SLX9: variants seen among roughly 807,000 people sequenced by gnomAD.
The protein encoded by SLX9 is ribosome biogenesis protein SLX9 homolog.
SLX9 carries 19 observed loss-of-function variants against 20.8 expected under a neutral mutation model. That is an observed-to-expected ratio of 0.91 (90% CI 0.64 to 1.34). The LOEUF (loss-of-function observed/expected upper bound fraction) is 1.34, where lower values mean the gene tolerates loss of function less well. Among genes scored for constraint, SLX9 ranks in the 40% most tolerant of loss-of-function variants. The pLI is 0.00. For synonymous variants in SLX9, 113 were observed against 137.1 expected (o/e 0.82, Z 1.23); for missense variants, 299 against 322.2 (o/e 0.93, Z 0.55).
At chr21:44,962,865 G>A (rs2084968869) in intron 3 of SLX9, among the ~76,000 whole-genome samples, 1 of 152,114 alleles carries the variant, frequency 6.6e-6, no homozygotes, top group Non-Finnish European at 1.5e-5. Context: ...TGGTAATCAT[G>A]AAATGGTATC....
At chr21:44,962,402 A>G (rs763102157) in intron 3 of SLX9, among the ~76,000 whole-genome samples, 18 of 151,686 alleles carry the variant, frequency 1.2e-4, no homozygotes, top group Non-Finnish European at 2.4e-4. Flanking sequence ...CTTGCCTTAG[A>G]CTCTGTATAA....
At position 44,955,950 on chromosome 21, in the gene SLX9, C is replaced by T. The variant is rs779475155; in HGVS notation, c.284-4150C>T. Among the ~76,000 whole-genome samples the T allele has an allele frequency of 1.1e-4, 16 of 152,174 alleles. 1 individual carries two copies. In the South Asian group the frequency reaches 2.9e-3, roughly 28 times the overall value. On this transcript the variant is annotated intron_variant, in intron 2 of 5. Coordinates refer to ENST00000291634, the MANE Select transcript of SLX9 (RefSeq NM_058190.4). Reference sequence around the variant, plus strand: ...ACACCGCCGGGAGCAGCACCCAAGTCGGCCTCCGCCTGCGGCCTGTACCTT... The same window carrying T: ...ACACCGCCGGGAGCAGCACCCAAGTTGGCCTCCGCCTGCGGCCTGTACCTT...
In SLX9 at chr21:44,975,060, G is replaced by T. The variant is rs564636763; in HGVS notation, c.570-1620G>T. Reference sequence around the variant, plus strand: ...TCTCGCTGCTTCTGAGAGGAGAGCAGGAGGCCCCTTCCTTGTTCACTCCGT... The same window carrying T: ...TCTCGCTGCTTCTGAGAGGAGAGCATGAGGCCCCTTCCTTGTTCACTCCGT... On this transcript the variant is annotated intron_variant, in intron 5 of 5. Coordinates refer to ENST00000291634, the MANE Select transcript of SLX9 (RefSeq NM_058190.4). Among the ~76,000 whole-genome samples, 5 of 152,358 alleles carry T rather than the reference G, an allele frequency of 3.3e-5. No homozygotes were observed. In the East Asian group the frequency reaches 9.6e-4, roughly 29 times the overall value.
At position 44,974,263 on chromosome 21, in the gene SLX9, G is replaced by A. The variant is rs1044945466; in HGVS notation, c.569+998G>A. On this transcript the variant is annotated intron_variant, in intron 5 of 5. Coordinates refer to ENST00000291634, the MANE Select transcript of SLX9 (RefSeq NM_058190.4). ...AGCGTTTTGTGTCAGTTCTACCGAG[G>A]CCCATTGTGCCTTTCCAGTTGAGAG... 6.6e-5 allele frequency among the ~76,000 whole-genome samples: 10 copies of A among 152,310 alleles called. No homozygotes were observed. The East Asian group carries it at 1.7e-3, about 26-fold the overall frequency.
At position 44,940,085 on chromosome 21, in the gene SLX9, C is replaced by G. The variant is rs1387085566; in HGVS notation, c.28C>G (p.Arg10Gly). The G allele has an allele frequency of 1.2e-5, 18 of 1,458,098 alleles. 1 individual carries two copies. The highest frequency in any genetic ancestry group is 5.2e-5 in the Admixed American group (2 of 38,582). The allele number at this position is 1,458,098 out of a possible 1,614,324, so 90.3% of individuals were successfully genotyped here. The change falls in exon 1 of 6, where the codon CGA becomes GGA. Residue 10 changes from arginine to glycine, a missense_variant. Physicochemically the swap from Arg to Gly is moderately radical, Grantham distance 125 (BLOSUM62 -2). Transcript: ENST00000291634. ...GGGGAAAGTGAGGGGGTTGCGCGCCCGAGTGCACCAGGCTGCCGTGAGGCC... is the reference window on the plus strand; with the variant it reads ...GGGGAAAGTGAGGGGGTTGCGCGCCGGAGTGCACCAGGCTGCCGTGAGGCC... MGKVRGLRARVHQAAVRPKG... is the reference protein window; with the variant it reads MGKVRGLRAGVHQAAVRPKG...
intron 4 of SLX9, among the ~76,000 whole-genome samples, chr21:44,968,511 G>T (rs1189079536): frequency 1.3e-5 from 2 of 152,224 alleles, no homozygotes; most frequent in African/African-American, 4.8e-5. Flanking sequence ...TGCCTGTGGC[G>T]CCCGTCTCCC....
chr21:44,960,100 G>T lies in SLX9; in HGVS notation c.284G>T (p.Gly95Val). The T allele has an allele frequency of 1.2e-6, 2 of 1,614,202 alleles. No individual in the cohort carries two copies. Among genetic ancestry groups the T allele is most frequent in the Non-Finnish European group, 1.7e-6 (2 of 1,180,020 alleles). ...SARSVPSIRR[G>V]AEAKTVLPKK... Reference sequence around the variant, plus strand: ...TCACTCCCGTGTTCTCTTTCCTCAGGTGCAGAGGCCAAGACCGTTTTGCCC... The same window carrying T: ...TCACTCCCGTGTTCTCTTTCCTCAGTTGCAGAGGCCAAGACCGTTTTGCCC... Residue 95 changes from glycine (G) to valine (V), a missense_variant and splice_region_variant, in exon 3 of 6, where the codon GGT becomes GTT. Transcript: ENST00000291634.
chr21:44,950,852 G>C (rs1010550094), intron 2 of SLX9, among the ~76,000 whole-genome samples: 1 of 152,188 alleles, frequency 6.6e-6, no homozygotes, highest in Non-Finnish European at 1.5e-5. Context: ...ATCTGCGAAA[G>C]GGGGGTGTCG....
At chr21:44,969,665 G>A (rs575931985) in intron 4 of SLX9, among the ~76,000 whole-genome samples, 5 of 152,202 alleles carry the variant, frequency 3.3e-5, no homozygotes, top group Non-Finnish European at 7.3e-5. Flanking sequence ...CCCCGTCCCC[G>A]CATGCTGTTG....
At chr21:44,943,937 C>T (rs1465476417) in intron 2 of SLX9, 100 bp downstream of exon 2, 1 of 1,501,196 alleles carries the variant, frequency 6.7e-7, no homozygotes, top group Non-Finnish European at 9.1e-7. Flanking sequence ...TAACCTGTAC[C>T]TGACAATGTC....
At chr21:44,943,943 A>G (rs1270226729) in intron 2 of SLX9, 106 bp downstream of exon 2, 6 of 1,481,562 alleles carry the variant, frequency 4.0e-6, no homozygotes, top group South Asian at 2.5e-5. Context: ...GTACCTGACA[A>G]TGTCCTTGAG....
intron 2 of SLX9, among the ~76,000 whole-genome samples, chr21:44,945,624 C>A (rs951435303): frequency 2.6e-5 from 4 of 152,256 alleles, no homozygotes; most frequent in African/African-American, 9.6e-5. Flanking sequence ...TCTGGCCTCG[C>A]AGCGTTCTTG....
At chr21:44,940,764 C>T (rs1349183906) in intron 1 of SLX9, among the ~76,000 whole-genome samples, 1 of 149,436 alleles carries the variant, frequency 6.7e-6, no homozygotes, top group Non-Finnish European at 1.5e-5. Context: ...CACTGAGCTT[C>T]TTGCGTGTGT....
At chr21:44,940,399 C>T (rs1601362240) in intron 1 of SLX9, among the ~76,000 whole-genome samples, 1 of 152,234 alleles carries the variant, frequency 6.6e-6, no homozygotes, top group Admixed American at 6.5e-5. Flanking sequence ...CGGACTCGCG[C>T]CGCTCCCGGG....
chr21:44,976,850 A>G lies in SLX9; in HGVS notation c.*47A>G, dbSNP rs1224794333. 1.3e-6 allele frequency: 2 copies of G among 1,536,196 alleles called. No homozygotes were observed. The highest frequency in any genetic ancestry group is 2.4e-5 in the South Asian group (2 of 83,818). Reference sequence around the variant, plus strand: ...AACTCCTCAGGACACATGTGGGCCAAGTAGAGAGCGCCGGCCCCTCAAGGA... The same window carrying G: ...AACTCCTCAGGACACATGTGGGCCAGGTAGAGAGCGCCGGCCCCTCAAGGA... On this transcript the variant is annotated 3_prime_UTR_variant, in exon 6 of 6. Transcript: ENST00000291634.
At chr21:44,964,548 C>T (rs1005220623) in intron 3 of SLX9, among the ~76,000 whole-genome samples, 2 of 152,180 alleles carry the variant, frequency 1.3e-5, no homozygotes, top group African/African-American at 4.8e-5. Context: ...GCCCAGGTAG[C>T]GCCTCTATGC....
intron 3 of SLX9, among the ~76,000 whole-genome samples, chr21:44,966,178 C>T (rs895267487): frequency 2.6e-5 from 4 of 152,104 alleles, no homozygotes; most frequent in East Asian, 3.9e-4. Context: ...CCTTGTTCTG[C>T]GAGCCACCTG....
intron 5 of SLX9, among the ~76,000 whole-genome samples, chr21:44,974,003 A>G (rs2085213486): frequency 6.6e-6 from 1 of 152,304 alleles, no homozygotes; most frequent in Middle Eastern, 3.4e-3. Flanking sequence ...GTGACTGGGC[A>G]CTGCGGCCCC....
chr21:44,955,890 A>G (rs1177275855), intron 2 of SLX9, among the ~76,000 whole-genome samples: 2 of 152,210 alleles, frequency 1.3e-5, no homozygotes, highest in Non-Finnish European at 2.9e-5. Flanking sequence ...TGAACGTCTG[A>G]TACTTCACAG....
Sources: gnomAD v4.1 joint callset for allele counts (sites outside exome capture counted in the v4.1 genomes callset) on GRCh38, gnomAD v4.1.1 for gene constraint, MANE v1.5 for transcripts, NCBI Gene and HGNC (gene_info 2026-07-23, HGNC 2026-07-21) for gene names.